Variants in FHOD3 observed in about 807,000 individuals in gnomAD.
The protein encoded by FHOD3 is FH1/FH2 domain-containing protein 3.
Under a neutral mutation model 173.0 loss-of-function variants are expected in FHOD3, and 90 were observed. The observed-to-expected ratio is 0.52, with a 90% CI of 0.44 to 0.62. The LOEUF is 0.62. Ranked by LOEUF, FHOD3 falls within the 20% of genes least tolerant of loss-of-function variation. FHOD3 has a pLI of 0.00. For synonymous variants in FHOD3, 828 were observed against 823.0 expected (o/e 1.01, Z -0.10); for missense variants, 1,945 against 2,034.7 (o/e 0.96, Z 0.85).
intron 1 of FHOD3, among the ~76,000 whole-genome samples, chr18:36,353,888 A>T (rs1481024574): frequency 6.6e-6 from 1 of 151,868 alleles, no homozygotes; most frequent in South Asian, 2.1e-4. Context: ...CAGGAACCCA[A>T]GCTCCTTGCA....
At chr18:36,468,850 A>C (rs2053110036) in intron 3 of FHOD3, among the ~76,000 whole-genome samples, 1 of 152,138 alleles carries the variant, frequency 6.6e-6, no homozygotes, top group African/African-American at 2.4e-5. Flanking sequence ...AGAGCTAGCA[A>C]GGGTGCAGGC....
intron 5 of FHOD3, among the ~76,000 whole-genome samples, chr18:36,531,149 G>A (rs1217651784): frequency 6.6e-6 from 1 of 152,134 alleles, no homozygotes; most frequent in Non-Finnish European, 1.5e-5. Flanking sequence ...CTTGCTGGTG[G>A]TTTTGTGGCT....
At chr18:36,733,883 A>G (rs2041498834) in intron 20 of FHOD3, among the ~76,000 whole-genome samples, 1 of 152,190 alleles carries the variant, frequency 6.6e-6, no homozygotes, top group Non-Finnish European at 1.5e-5. Flanking sequence ...CCAGGCTCCC[A>G]AGCCAGTGAG....
At chr18:36,505,336 G>A (rs941563328) in intron 4 of FHOD3, among the ~76,000 whole-genome samples, 3 of 152,322 alleles carry the variant, frequency 2.0e-5, no homozygotes, top group Admixed American at 6.5e-5. Flanking sequence ...AAAAGGGTAT[G>A]GTGTTAGAAT....
intron 4 of FHOD3, among the ~76,000 whole-genome samples, chr18:36,503,925 G>A (rs2055165877): frequency 6.6e-6 from 1 of 152,080 alleles, no homozygotes; most frequent in South Asian, 2.1e-4. Context: ...CCCTGGACCT[G>A]CGACTTATTG....
intron 5 of FHOD3, 61 bp from the exon 6 acceptor site, chr18:36,576,390 C>A: frequency 1.6e-6 from 2 of 1,221,980 alleles, no homozygotes; most frequent in South Asian, 1.4e-5. Context: ...GCATTATGAT[C>A]ACTGAAGATT....
chr18:36,730,379 A>T (rs2041296173), intron 19 of FHOD3, among the ~76,000 whole-genome samples: 1 of 152,106 alleles, frequency 6.6e-6, no homozygotes, highest in African/African-American at 2.4e-5. Flanking sequence ...TTTTCTTGCA[A>T]AATATCACAT....
chr18:36,508,717 A>G (rs574281764), intron 4 of FHOD3, among the ~76,000 whole-genome samples: 8 of 151,986 alleles, frequency 5.3e-5, no homozygotes, highest in Admixed American at 3.3e-4. Flanking sequence ...ATTAAGTTTC[A>G]GTATCTCACA....
At chr18:36,583,976 A>G (rs1388957118) in intron 6 of FHOD3, among the ~76,000 whole-genome samples, 2 of 151,962 alleles carry the variant, frequency 1.3e-5, no homozygotes, top group Admixed American at 1.3e-4. Flanking sequence ...CAGGGAACAC[A>G]CCACCACACC....
At chr18:36,721,712 C>A (rs543510070) in intron 19 of FHOD3, among the ~76,000 whole-genome samples, 2 of 152,288 alleles carry the variant, frequency 1.3e-5, no homozygotes, top group African/African-American at 4.8e-5. Context: ...GCATATGTTA[C>A]CACTGTAGAT....
chr18:36,385,321 G>GT, intron 3 of FHOD3, among the ~76,000 whole-genome samples: 1 of 152,250 alleles, frequency 6.6e-6, no homozygotes, highest in East Asian at 1.9e-4. Flanking sequence ...AAGACCTGAG[G>GT]GTGATCCTGA....
chr18:36,654,176 C>A (rs2149133599), intron 13 of FHOD3, among the ~76,000 whole-genome samples: 1 of 152,240 alleles, frequency 6.6e-6, no homozygotes, highest in East Asian at 1.9e-4. Context: ...GTCTGGGTGC[C>A]CTACTCAACA....
chr18:36,511,272 A>G (rs2055625214), intron 4 of FHOD3, among the ~76,000 whole-genome samples: 1 of 152,140 alleles, frequency 6.6e-6, no homozygotes, highest in Non-Finnish European at 1.5e-5. Flanking sequence ...GTTGAGGAAA[A>G]CAATGGTGGA....
intron 1 of FHOD3, among the ~76,000 whole-genome samples, chr18:36,345,060 A>G (rs1014898535): frequency 1.3e-5 from 2 of 152,244 alleles, no homozygotes; most frequent in Non-Finnish European, 2.9e-5. Context: ...ATGCCTCTCT[A>G]TAGAACAAGC....
chr18:36,540,799 G>A (rs999705549), intron 5 of FHOD3, among the ~76,000 whole-genome samples: 3 of 152,208 alleles, frequency 2.0e-5, no homozygotes, highest in Non-Finnish European at 2.9e-5. Context: ...CAGGGCCTAT[G>A]TTGTGGGGCA....
rs187361413 is a variant in FHOD3 at position 36,365,550 on chromosome 18, G to T, written c.273-7130G>T. On this transcript the variant is annotated intron_variant, in intron 2 of 28. Transcript: ENST00000590592. ...AGAGCGATTGCAGATGGGTATGAAG[G>T]TTTGGGGGTGTTTTTGCATTGATGA... Among the ~76,000 whole-genome samples the T allele has an allele frequency of 8.5e-5, 13 of 152,256 alleles. No homozygotes were observed. In the East Asian group the frequency reaches 1.9e-3, roughly 23 times the overall value.
chr18:36,549,700 G>C (rs1007058685), intron 5 of FHOD3, among the ~76,000 whole-genome samples: 28 of 148,832 alleles, frequency 1.9e-4, no homozygotes, highest in African/African-American at 6.5e-4. Context: ...ACCATGCCTG[G>C]CTAATTTTTT....
intron 6 of FHOD3, among the ~76,000 whole-genome samples, chr18:36,589,928 C>T (rs536263125): frequency 3.2e-4 from 49 of 152,278 alleles, no homozygotes; most frequent in African/African-American, 1.1e-3. Context: ...TGTAGTGAAA[C>T]CCTTCGTTAC....
intron 25 of FHOD3, among the ~76,000 whole-genome samples, chr18:36,758,388 ATATTT>A (rs1434012774): frequency 6.6e-6 from 1 of 152,244 alleles, no homozygotes; most frequent in East Asian, 1.9e-4. Flanking sequence ...TAGAAGAGAG[ATATTT>A]TATTTAAAGT....
Sources: allele counts gnomAD v4.1 joint callset (sites outside exome capture counted in the v4.1 genomes callset), GRCh38; gene constraint gnomAD v4.1.1; transcripts MANE v1.5; gene names NCBI Gene and HGNC (gene_info 2026-07-23, HGNC 2026-07-21).